Variants in NAALADL2 observed in about 807,000 individuals in gnomAD.
NAALADL2 encodes N-acetylated alpha-linked acidic dipeptidase like 2.
Under a neutral mutation model 87.2 loss-of-function variants are expected in NAALADL2, and 76 were observed. The ratio of observed to expected loss-of-function variants is 0.87; its 90% CI spans 0.72 to 1.05. NAALADL2 has a LOEUF of 1.05. Ranked by LOEUF, NAALADL2 falls within the 50% of genes least tolerant of loss-of-function variation. The pLI is 0.00. For synonymous variants in NAALADL2, 354 were observed against 331.0 expected (o/e 1.07, Z -0.75); for missense variants, 1,089 against 945.8 (o/e 1.15, Z -1.99).
intron 5 of NAALADL2, among the ~76,000 whole-genome samples, chr3:175,439,228 A>G (rs1261290892): frequency 1.3e-5 from 2 of 151,808 alleles, no homozygotes; most frequent in Non-Finnish European, 1.5e-5. Context: ...CACATACCAT[A>G]TTTCCTCATT....
intron 3 of NAALADL2, among the ~76,000 whole-genome samples, chr3:174,781,807 G>A (rs1221199280): frequency 3.3e-5 from 5 of 152,150 alleles, no homozygotes; most frequent in South Asian, 4.1e-4. Flanking sequence ...AACTTACAGT[G>A]GAGAAATAGG....
At chr3:175,774,502 A>T (rs1749951030) in intron 13 of NAALADL2, among the ~76,000 whole-genome samples, 1 of 152,072 alleles carries the variant, frequency 6.6e-6, no homozygotes. Context: ...TATAAAGAGT[A>T]TACAGAGCCT....
chr3:175,631,796 T>C lies in NAALADL2; in HGVS notation c.1896+4410T>C, dbSNP rs150947907. On this transcript the variant is annotated intron_variant, in intron 11 of 13. Transcript: ENST00000454872. ...GATTAAAAATGGCCATGTATTCATG[T>C]TTTTAAATAGGCTTATTTCTCCTTC... 2.5e-3 allele frequency among the ~76,000 whole-genome samples: 386 copies of C among 152,114 alleles called. 6 individuals carry two copies. Among genetic ancestry groups the C allele is most frequent in the Non-Finnish European group, 3.6e-3 (247 of 67,942 alleles).
At chr3:175,633,041 G>A (rs1191774747) in intron 11 of NAALADL2, among the ~76,000 whole-genome samples, 1 of 152,058 alleles carries the variant, frequency 6.6e-6, no homozygotes, top group Non-Finnish European at 1.5e-5. Context: ...TAGCAACACT[G>A]GTCCAGCTGA....
intron 2 of NAALADL2, among the ~76,000 whole-genome samples, chr3:175,124,181 TG>T (rs1239357529): frequency 6.6e-6 from 1 of 151,984 alleles, no homozygotes; most frequent in Non-Finnish European, 1.5e-5. Context: ...TGAAGCTATT[TG>T]GGCATGATCA....
At chr3:175,681,398 T>G (rs1735576770) in intron 11 of NAALADL2, among the ~76,000 whole-genome samples, 1 of 152,184 alleles carries the variant, frequency 6.6e-6, no homozygotes, top group Non-Finnish European at 1.5e-5. Flanking sequence ...GTATCTCTAA[T>G]TTAAACTAAA....
chr3:174,515,682 C>T (rs923139623), intron 1 of NAALADL2, among the ~76,000 whole-genome samples: 5 of 139,034 alleles, frequency 3.6e-5, no homozygotes, highest in African/African-American at 1.3e-4. Context: ...AGAGAACTGA[C>T]AATTGGAAAA....
At chr3:174,489,246 G>A (rs796482799) in intron 1 of NAALADL2, among the ~76,000 whole-genome samples, 95 of 152,086 alleles carry the variant, frequency 6.2e-4, no homozygotes, top group African/African-American at 2.2e-3. Flanking sequence ...GGAAAGAAGA[G>A]TCTTTTTAGC....
chr3:175,139,612 A>T (rs1405490963), intron 2 of NAALADL2, among the ~76,000 whole-genome samples: 1 of 151,996 alleles, frequency 6.6e-6, no homozygotes, highest in African/African-American at 2.4e-5. Context: ...TATTCAGAGA[A>T]TTTTTTTCAA....
At chr3:174,947,814 G>T (rs1237152755) in intron 1 of NAALADL2, among the ~76,000 whole-genome samples, 3 of 151,964 alleles carry the variant, frequency 2.0e-5, no homozygotes, top group African/African-American at 7.2e-5. Flanking sequence ...TCTGTTGTCA[G>T]TGGTGTCTAA....
At chr3:175,635,125 C>A (rs1250963218) in intron 11 of NAALADL2, among the ~76,000 whole-genome samples, 1 of 151,982 alleles carries the variant, frequency 6.6e-6, no homozygotes, top group East Asian at 1.9e-4. Flanking sequence ...ATTGTGCCAA[C>A]TGTATTTTCT....
Position 174,450,933 on chromosome 3 carries a change from T to C in NAALADL2, c.-184+9901T>C, listed in dbSNP as rs150575379. Reference sequence around the variant, plus strand: ...GACTGGGAGGGTCAGTTTTTATGTTTACTCTGCAGAAACCATAAACATCAG... The same window carrying C: ...GACTGGGAGGGTCAGTTTTTATGTTCACTCTGCAGAAACCATAAACATCAG... On this transcript the variant is annotated intron_variant, in intron 1 of 3. Transcript: ENST00000434257. Among the ~76,000 whole-genome samples the C allele has an allele frequency of 3.6e-3, 539 of 151,760 alleles. 1 individual carries two copies. The highest frequency in any genetic ancestry group is 0.012 in the African/African-American group (512 of 41,432).
chr3:175,074,897 AG>A (rs1484684573), intron 1 of NAALADL2, among the ~76,000 whole-genome samples: 1 of 151,664 alleles, frequency 6.6e-6, no homozygotes, highest in East Asian at 1.9e-4. Context: ...AGGAGTAAGG[AG>A]ATGAAGAGCA....
In NAALADL2 at chr3:174,930,902, A is replaced by G. The variant is rs565597207; in HGVS notation, c.43+71452A>G. Among the ~76,000 whole-genome samples, 462 of 152,046 alleles carry G rather than the reference A, an allele frequency of 3.0e-3. 1 individual carries two copies. Among genetic ancestry groups the G allele is most frequent in the Middle Eastern group, 0.02 (6 of 294 alleles). The stretch of plus-strand genomic sequence containing the variant: ...CTCCCAAAGTGCTGGGATTACAGGC[A>G]TGAGCCACCACGCCCGGCCAAGATG... On this transcript the variant is annotated intron_variant, in intron 1 of 13. Coordinates refer to ENST00000454872, the MANE Select transcript of NAALADL2 (RefSeq NM_207015.3).
intron 1 of NAALADL2, among the ~76,000 whole-genome samples, chr3:174,464,142 A>T (rs1716381369): frequency 6.6e-6 from 1 of 151,906 alleles, no homozygotes; most frequent in African/African-American, 2.4e-5. Context: ...TATTATTATT[A>T]TTTTTAAATA....
intron 13 of NAALADL2, among the ~76,000 whole-genome samples, chr3:175,793,745 A>G (rs1480211030): frequency 6.6e-6 from 1 of 152,234 alleles, no homozygotes; most frequent in Non-Finnish European, 1.5e-5. Flanking sequence ...GTTCAAAATA[A>G]TATTTTGATT....
chr3:174,782,620 C>T (rs1268359837), intron 3 of NAALADL2, among the ~76,000 whole-genome samples: 8 of 152,052 alleles, frequency 5.3e-5, no homozygotes, highest in African/African-American at 1.7e-4. Flanking sequence ...ATACCCGAGA[C>T]TGCGTAATTT....
chr3:175,085,177 G>A lies in NAALADL2; in HGVS notation c.44-11613G>A, dbSNP rs528003479. On this transcript the variant is annotated intron_variant, in intron 1 of 13. Coordinates refer to ENST00000454872, the MANE Select transcript of NAALADL2 (RefSeq NM_207015.3). ...AAGAACACAGATTCCATAACCACAC[G>A]GCCTTGGGTTCGAAACTTGCATGAT... Among the ~76,000 whole-genome samples the A allele has an allele frequency of 1.4e-4, 22 of 152,240 alleles. No individual in the cohort carries two copies. In the South Asian group the frequency reaches 3.7e-3, roughly 26 times the overall value.
At chr3:175,428,295 A>G (rs1413590666) in intron 5 of NAALADL2, among the ~76,000 whole-genome samples, 1 of 152,152 alleles carries the variant, frequency 6.6e-6, no homozygotes, top group African/African-American at 2.4e-5. Context: ...TTTTTTGAAG[A>G]AAACGAAACT....
Sources: allele counts gnomAD v4.1 joint callset (sites outside exome capture counted in the v4.1 genomes callset), GRCh38; gene constraint gnomAD v4.1.1; transcripts MANE v1.5; gene names NCBI Gene and HGNC (gene_info 2026-07-23, HGNC 2026-07-21).